The following VPS13A variants were observed in gnomAD, a reference collection of about 807,000 sequenced individuals.
VPS13A encodes the protein vacuolar protein sorting 13 homolog A.
A neutral mutation model predicts 390.9 loss-of-function variants in VPS13A; 264 were observed. That is an observed-to-expected ratio of 0.68 (90% CI 0.61 to 0.75). The LOEUF is 0.75. VPS13A is among the 30% of genes least tolerant of loss of function. The pLI, the probability that VPS13A is intolerant of heterozygous loss-of-function variation, is 0.00. For synonymous variants in VPS13A, 1,231 were observed against 1,227.1 expected, an observed-to-expected ratio of 1.00 and a Z score of -0.07; for missense variants, 3,409 against 3,733.9, an observed-to-expected ratio of 0.91 and a Z score of 2.27.
chr9:77,297,253 G>A (rs1217902627), intron 33 of VPS13A, among the ~76,000 whole-genome samples: 1 of 151,902 alleles, frequency 6.6e-6, no homozygotes, highest in Non-Finnish European at 1.5e-5. Flanking sequence ...ATAAATTGGA[G>A]TACTTTATAA....
At chr9:77,257,305 G>T (rs1325049992) in intron 22 of VPS13A, among the ~76,000 whole-genome samples, 1 of 152,082 alleles carries the variant, frequency 6.6e-6, no homozygotes, top group African/African-American at 2.4e-5. Flanking sequence ...TGTGGTTGTA[G>T]CTCACTGCAG....
chr9:77,394,326 C>T (rs1211254979), intron 68 of VPS13A, among the ~76,000 whole-genome samples: 3 of 152,050 alleles, frequency 2.0e-5, no homozygotes, highest in Admixed American at 2.0e-4. Flanking sequence ...CATGGCCTCC[C>T]AAAGTGCTGG....
rs142591960 is a variant in VPS13A at position 77,364,422 on chromosome 9, T to C, written c.8212-1038T>C. On this transcript the variant is annotated intron_variant, in intron 59 of 71. Coordinates refer to ENST00000360280, the MANE Select transcript of VPS13A (RefSeq NM_033305.3). Reference sequence around the variant, plus strand: ...CCTAGGTGACCAGAGCGAGACTCCGTCTCGAAAAAAACAAACAAACAAAAA... The same window carrying C: ...CCTAGGTGACCAGAGCGAGACTCCGCCTCGAAAAAAACAAACAAACAAAAA... 1.5e-3 allele frequency among the ~76,000 whole-genome samples: 229 copies of C among 151,828 alleles called. 1 individual carries two copies. The highest frequency in any genetic ancestry group is 5.3e-3 in the African/African-American group (221 of 41,400).
At position 77,209,544 on chromosome 9, in the gene VPS13A, A is replaced by C. The variant is rs766786397; in HGVS notation, c.495+12A>C. 3.4e-6 allele frequency: 5 copies of C among 1,469,610 alleles called. No individual in the cohort carries two copies. In the Admixed American group the frequency reaches 8.5e-5, roughly 25 times the overall value. The allele number at this position is 1,469,610 out of a possible 1,614,324, so 91.0% of individuals were successfully genotyped here. On this transcript the variant is annotated intron_variant, in intron 6 of 71. Transcript: ENST00000360280. Reference sequence around the variant, plus strand: ...GTTATGAAGATGATGTAAGTATTTTAATATGTGATATTTGTTTTTATATTT... The same window carrying C: ...GTTATGAAGATGATGTAAGTATTTTCATATGTGATATTTGTTTTTATATTT...
intron 27 of VPS13A, among the ~76,000 whole-genome samples, chr9:77,280,951 A>T (rs1007667682): frequency 6.6e-6 from 1 of 152,182 alleles, no homozygotes; most frequent in Non-Finnish European, 1.5e-5. Flanking sequence ...ATTCAGCTTT[A>T]AAAAAGGGGG....
In VPS13A at chr9:77,234,854, G is replaced by A. The variant is rs569688197; in HGVS notation, c.1596-3148G>A. On this transcript the variant is annotated intron_variant, in intron 17 of 71. Coordinates refer to ENST00000360280, the MANE Select transcript of VPS13A (RefSeq NM_033305.3). ...TCATTTTGTTGAGGGCTACTATATA[G>A]GGATTACAATTAACAGTCCAAATTT... 7.9e-5 allele frequency among the ~76,000 whole-genome samples: 12 copies of A among 152,138 alleles called. No homozygotes were observed. The South Asian group carries it at 2.5e-3, about 32-fold the overall frequency.
rs371185129 is a variant in VPS13A, at chr9:77,213,584, A to T, written c.696+270A>T. Among the ~76,000 whole-genome samples, 18 of 151,720 alleles carry T rather than the reference A, an allele frequency of 1.2e-4. No individual in the cohort carries two copies. In the South Asian group the frequency reaches 3.7e-3, roughly 32 times the overall value. ...CGATTATAGCTCACTGCAGCTTCTA[A>T]CTCTTGGGCTCAAGCAATCATCCTT... On this transcript the variant is annotated intron_variant, in intron 9 of 71. Coordinates refer to ENST00000360280, the MANE Select transcript of VPS13A (RefSeq NM_033305.3).
chr9:77,343,977 T>G (rs1050101859), intron 50 of VPS13A, among the ~76,000 whole-genome samples, 176 bp from the exon 51 acceptor site: 3 of 152,208 alleles, frequency 2.0e-5, no homozygotes, highest in Non-Finnish European at 4.4e-5. Flanking sequence ...TGCTGACAAG[T>G]GACAATCCAT....
At chr9:77,225,858 T>G in intron 13 of VPS13A, 68 bp from the exon 14 acceptor site, 1 of 1,229,460 alleles carries the variant, frequency 8.1e-7, no homozygotes, top group East Asian at 2.3e-5. Context: ...TTTGATAGAT[T>G]ATGTGCTTAA....
At position 77,315,340 on chromosome 9, in the gene VPS13A, G is replaced by A. The variant is rs754958224; in HGVS notation, c.4500G>A (p.Ala1500=). The change falls in exon 38 of 72, where the codon GCG becomes GCA. Residue 1500 remains alanine, a synonymous_variant. Transcript: ENST00000360280. ...TCAGAGATGGTTGTGTGACTGATGC[G>A]GTCTTTCAAGAAATGTATATTTGTG... ...RKVRDGCVTD[A]VFQEMYICAS... 50 of 1,613,812 alleles carry A rather than the reference G, an allele frequency of 3.1e-5. No homozygotes were observed. The highest frequency in any genetic ancestry group is 7.7e-5 in the South Asian group (7 of 91,076).
chr9:77,316,488 A>T, intron 39 of VPS13A, 82 bp downstream of exon 39: 1 of 1,158,150 alleles, frequency 8.6e-7, no homozygotes, highest in Non-Finnish European at 1.3e-6. Context: ...AAAACTACCT[A>T]CATGCTTTCC....
chr9:77,195,443 C>CT (rs1356286698), intron 1 of VPS13A, among the ~76,000 whole-genome samples: 5 of 150,980 alleles, frequency 3.3e-5, no homozygotes, highest in Non-Finnish European at 5.9e-5. Context: ...TTTTAGAAAA[C>CT]TAACAGTCGG....
At chr9:77,257,354 C>T (rs944021369) in intron 22 of VPS13A, among the ~76,000 whole-genome samples, 1 of 152,124 alleles carries the variant, frequency 6.6e-6, no homozygotes, top group Admixed American at 6.5e-5. Flanking sequence ...CCTGCCTTGT[C>T]CTCCTGAGTA....
At chr9:77,372,671 G>A (rs1233079437) in intron 67 of VPS13A, among the ~76,000 whole-genome samples, 7 of 152,020 alleles carry the variant, frequency 4.6e-5, no homozygotes, top group East Asian at 1.9e-4. Flanking sequence ...AGGGTATTCA[G>A]TTAGGAAAAG....
chr9:77,307,784 G>A (rs1301267962), intron 34 of VPS13A, among the ~76,000 whole-genome samples, 161 bp from the exon 35 acceptor site: 1 of 152,122 alleles, frequency 6.6e-6, no homozygotes, highest in Non-Finnish European at 1.5e-5. Context: ...AAGAGCACAT[G>A]GTCATTTAGA....
Position 77,236,048 on chromosome 9 carries a change from A to T in VPS13A, c.1596-1954A>T, listed in dbSNP as rs367631573. Among the ~76,000 whole-genome samples the T allele has an allele frequency of 9.2e-5, 14 of 152,156 alleles. No homozygotes were observed. In the East Asian group the frequency reaches 1.5e-3, roughly 17 times the overall value. On this transcript the variant is annotated intron_variant, in intron 17 of 71. Transcript: ENST00000360280. Reference sequence around the variant, plus strand: ...GATTTTTCCCAACGTAGACTAATATAACTATTCTGAGTACATTTAGGGTAG... The same window carrying T: ...GATTTTTCCCAACGTAGACTAATATTACTATTCTGAGTACATTTAGGGTAG...
At chr9:77,207,774 C>G (rs749364621) in intron 5 of VPS13A, among the ~76,000 whole-genome samples, 13 of 152,104 alleles carry the variant, frequency 8.5e-5, no homozygotes, top group Non-Finnish European at 1.9e-4. Flanking sequence ...TGTTATCTTC[C>G]TCTCTCTCCA....
chr9:77,237,850 AG>A, intron 17 of VPS13A, 151 bp from the exon 18 acceptor site: 1 of 617,284 alleles, frequency 1.6e-6, no homozygotes, highest in Non-Finnish European at 2.8e-6. Flanking sequence ...GTCAATTTAG[AG>A]GAATCATTGT....
chr9:77,200,132 G>A, intron 2 of VPS13A, 144 bp downstream of exon 2: 1 of 717,196 alleles, frequency 1.4e-6, no homozygotes, highest in Non-Finnish European at 2.3e-6. Context: ...TTTGCTAAAT[G>A]GAGTTTTAAT....
Sources: allele counts gnomAD v4.1 joint callset (sites outside exome capture counted in the v4.1 genomes callset), GRCh38; gene constraint gnomAD v4.1.1; transcripts MANE v1.5; gene names NCBI Gene and HGNC (gene_info 2026-07-23, HGNC 2026-07-21).